The following IKBKG variants were observed in gnomAD, a reference collection of about 807,000 sequenced individuals.
IKBKG encodes NF-kappa-B essential modulator.
Under a neutral mutation model 13.7 loss-of-function variants are expected in IKBKG, and 2 were observed. The observed-to-expected ratio is 0.15, with a 90% confidence interval of 0.06 to 0.46. The LOEUF is 0.46. Ranked by LOEUF, IKBKG falls within the 20% of genes least tolerant of loss-of-function variation. IKBKG has a pLI of 0.98. For missense variants in IKBKG, 53 were observed against 150.3 expected (o/e 0.35, Z 3.39); for synonymous variants, 22 against 64.4 (o/e 0.34, Z 3.15).
chrX:154,543,960 C>T (rs1370864391), upstream of IKBKG, among the ~76,000 whole-genome samples: 3 of 108,994 alleles, frequency 2.8e-5, no homozygotes, highest in African/African-American at 6.7e-5. Context: ...CTCCGCCTCC[C>T]GAGTTCACGC....
chrX:154,552,257 C>T (rs1291230942), intron 2 of IKBKG, 68 bp downstream of exon 2: 28 of 957,299 alleles, frequency 2.9e-5, no homozygotes, highest in South Asian at 9.9e-5. Flanking sequence ...TGCACCTCTG[C>T]GTTTCCTGGG....
Position 154,552,062 on chromosome X carries a change from G to A in IKBKG, c.60G>A (p.Pro20=), listed in dbSNP as rs782663126. The A allele has an allele frequency of 4.6e-5, 54 of 1,166,098 alleles. No individual in the cohort carries two copies. Among genetic ancestry groups the A allele is most frequent in the Non-Finnish European group, 4.6e-5 (40 of 867,424 alleles). Residue 20 remains proline, a synonymous_variant, in exon 2 of 10, where the codon CCG becomes CCA. Coordinates refer to ENST00000594239, the MANE Select transcript of IKBKG (RefSeq NM_001099857.5). ...AGATGGTGCAGCCCAGTGGTGGCCC[G>A]GCAGCAGATCAGGACGTACTGGGCG... ...LCEMVQPSGG[P]AADQDVLGEE... is the part of the protein sequence containing the mutation.
intron 2 of IKBKG, among the ~76,000 whole-genome samples, chrX:154,555,006 G>A (rs1463446869): frequency 9.0e-6 from 1 of 111,551 alleles, no homozygotes; most frequent in African/African-American, 3.3e-5. Context: ...TCCTGGGTGT[G>A]GGGCTCTCCT....
upstream of IKBKG, among the ~76,000 whole-genome samples, chrX:154,544,222 C>T (rs1557232635): frequency 1.9e-5 from 2 of 106,122 alleles, no homozygotes; most frequent in East Asian, 3.0e-4. Flanking sequence ...AGTGCAGTGG[C>T]GCGATCTCAG....
At chrX:154,555,561 A>C (rs1414770813) in intron 2 of IKBKG, among the ~76,000 whole-genome samples, 1 of 112,382 alleles carries the variant, frequency 8.9e-6, no homozygotes, top group Non-Finnish European at 1.9e-5. Context: ...AAAATTCAAA[A>C]AAGTGGCATT....
intron 2 of IKBKG, among the ~76,000 whole-genome samples, chrX:154,552,423 A>G (rs981804036): frequency 1.6e-4 from 18 of 111,916 alleles, no homozygotes; most frequent in African/African-American, 3.6e-4. Context: ...AGGGAGAAGC[A>G]CGCTGCCGGG....
intron 1 of IKBKG, among the ~76,000 whole-genome samples, chrX:154,541,916 C>A (rs1557232015): frequency 1.8e-5 from 2 of 112,283 alleles, no homozygotes; most frequent in South Asian, 3.7e-4. Context: ...TGGGCCATCC[C>A]ATCCCCAAGG....
chrX:154,546,911 A>C (rs1290644246), upstream of IKBKG: 5 of 770,554 alleles, frequency 6.5e-6, no homozygotes, highest in Non-Finnish European at 5.0e-6. Flanking sequence ...GGCTGAGCGG[A>C]CCCGCCTCAG....
At chrX:154,549,845 C>A (rs917494784) in intron 1 of IKBKG, among the ~76,000 whole-genome samples, 1 of 111,924 alleles carries the variant, frequency 8.9e-6, no homozygotes, top group East Asian at 2.8e-4. Context: ...AATGTTTAAT[C>A]TTTTGTGACT....
At chrX:154,546,543 G>A (rs2070722557), upstream of IKBKG, among the ~76,000 whole-genome samples, 1 of 111,346 alleles carries the variant, frequency 9.0e-6, no homozygotes, top group Non-Finnish European at 1.9e-5. Flanking sequence ...GGGAGATGGT[G>A]CAGATGCTGG....
chrX:154,550,286 G>A (rs1557234748), intron 1 of IKBKG, among the ~76,000 whole-genome samples: 4 of 104,587 alleles, frequency 3.8e-5, no homozygotes. Flanking sequence ...GTGAGAGAGA[G>A]AGAGAGAATC....
chrX:154,547,201 C>T (rs1557233816), upstream of IKBKG: 3 of 420,824 alleles, frequency 7.1e-6, no homozygotes, highest in Non-Finnish European at 9.0e-6. Flanking sequence ...CGCGCGCTCG[C>T]GGAGGGCTCC....
At chrX:154,546,371 T>A (rs1464381310), upstream of IKBKG, among the ~76,000 whole-genome samples, 1 of 112,253 alleles carries the variant, frequency 8.9e-6, no homozygotes, top group East Asian at 2.8e-4. Context: ...TAGGCAGCCT[T>A]CATTCAGGGT....
Position 154,542,281 on chromosome X carries a change from G to C in IKBKG, c.-186-1G>C, listed in dbSNP as rs1557232098. On this transcript the variant is annotated splice_acceptor_variant, in intron 1 of 10. Transcript: ENST00000422680. LOFTEE classifies it low-confidence loss of function (5UTR_SPLICE). ...TCAAGCCCATGGCCCTTGTGATCCA[G>C]GTGGGGAAACTAAGGCCCAGAGAAG... 1 of 1,152,571 alleles carries C rather than the reference G, an allele frequency of 8.7e-7. No homozygotes were observed. 95.0% of individuals were successfully genotyped at this position (1,152,571 alleles called of 1,213,427 possible).
intron 1 of IKBKG, among the ~76,000 whole-genome samples, chrX:154,551,754 C>T (rs1327358607): frequency 9.0e-6 from 1 of 111,622 alleles, no homozygotes; most frequent in Non-Finnish European, 1.9e-5. Flanking sequence ...TGGTGAAATT[C>T]TTCTATTTCC....
chrX:154,551,478 CGTT>C, intron 1 of IKBKG, among the ~76,000 whole-genome samples: 2 of 111,481 alleles, frequency 1.8e-5, no homozygotes, highest in Non-Finnish European at 3.8e-5. Context: ...CATAAAGACA[CGTT>C]GTTGGATTTA....
intron 1 of IKBKG, chrX:154,542,233 T>C (rs782602076): frequency 2.9e-5 from 28 of 976,790 alleles, no homozygotes; most frequent in South Asian, 2.0e-4. Context: ...AGGCCCATCA[T>C]TGGGATGCGT....
intron 1 of IKBKG, chrX:154,542,143 C>A: frequency 2.1e-6 from 1 of 480,060 alleles, no homozygotes; most frequent in South Asian, 3.4e-5. Context: ...CAGCAAGAAT[C>A]TTATCAGACC....
Position 154,552,094 on chromosome X carries a change from C to G in IKBKG, c.92C>G (p.Ser31Cys). 5.9e-6 allele frequency: 7 copies of G among 1,195,168 alleles called. No individual in the cohort carries two copies. Among genetic ancestry groups the G allele is most frequent in the Non-Finnish European group, 7.9e-6 (7 of 883,582 alleles). The change falls in exon 2 of 10, where the codon TCT becomes TGT. Residue 31 changes from serine (S) to cysteine (C), a missense_variant. Around this residue, in one of 3 missense-constraint regions of IKBKG, gnomAD observed 47 missense variants for 50.0 expected, o/e 0.94. Coordinates refer to ENST00000594239, the MANE Select transcript of IKBKG (RefSeq NM_001099857.5). ...AADQDVLGEE[S>C]PLGKPAMLHL... ...GATCAGGACGTACTGGGCGAAGAGT[C>G]TCCTCTGGGGAAGCCAGCCATGCTG...
Sources: allele counts gnomAD v4.1 joint callset (sites outside exome capture counted in the v4.1 genomes callset), GRCh38; gene constraint gnomAD v4.1.1; regional missense constraint gnomAD v4.1.1; transcripts MANE v1.5; gene names NCBI Gene and HGNC (gene_info 2026-07-23, HGNC 2026-07-21).